CPEB3: variants seen among roughly 807,000 people sequenced by gnomAD.
The protein encoded by CPEB3 is cytoplasmic polyadenylation element binding protein 3.
A neutral mutation model predicts 67.2 loss-of-function variants in CPEB3; 20 were observed. The observed-to-expected ratio is 0.30, with a 90% CI of 0.21 to 0.43. The LOEUF is 0.43. Ranked by LOEUF, CPEB3 falls within the 20% of genes least tolerant of loss-of-function variation. CPEB3 has a pLI of 1.00. For synonymous variants in CPEB3, 376 were observed against 393.1 expected (o/e 0.96, Z 0.51); for missense variants, 746 against 968.6 (o/e 0.77, Z 3.05).
intron 2 of CPEB3, among the ~76,000 whole-genome samples, chr10:92,202,538 A>G (rs938696571): frequency 2.0e-5 from 3 of 150,624 alleles, no homozygotes; most frequent in Non-Finnish European, 4.4e-5. Flanking sequence ...AAAAATATAA[A>G]AATTTTAAAA....
At chr10:92,083,390 G>T (rs1046213361) in intron 8 of CPEB3, among the ~76,000 whole-genome samples, 2 of 152,198 alleles carry the variant, frequency 1.3e-5, no homozygotes, top group African/African-American at 4.8e-5. Flanking sequence ...CTTGGGGCAG[G>T]ATCCAGGAAT....
intron 2 of CPEB3, among the ~76,000 whole-genome samples, chr10:92,232,125 T>C (rs1397924467): frequency 1.3e-5 from 2 of 151,348 alleles, no homozygotes; most frequent in African/African-American, 4.9e-5. Flanking sequence ...TGATCTCAGC[T>C]CACTGCAACC....
intron 4 of CPEB3, among the ~76,000 whole-genome samples, chr10:92,168,553 C>T (rs900000664): frequency 1.3e-5 from 2 of 151,946 alleles, no homozygotes; most frequent in African/African-American, 2.4e-5. Context: ...AGGAGAAACC[C>T]GGTGGGAGGT....
At position 92,145,070 on chromosome 10, in the gene CPEB3, T is replaced by C. The variant is rs755314203; in HGVS notation, c.1238A>G (p.Asp413Gly). ...TGACAAGGCTTGATCACCATGGCTA[T>C]CATCCAGGAAGGCATCTTCAAAGGG... ...IMALNNAFLDDSHGDQALSSG... is the reference protein window; with the variant it reads ...IMALNNAFLDGSHGDQALSSG... The change falls in exon 5 of 10, where the codon GAT (aspartate) becomes GGT (glycine). Residue 413 changes from aspartate (D) to glycine (G), a missense_variant. This residue lies in a region of CPEB3 where 643 missense variants were observed against 717.5 expected (regional missense o/e 0.90). Transcript: ENST00000265997. The C allele has an allele frequency of 6.8e-6, 11 of 1,614,084 alleles. No homozygotes were observed. The highest frequency in any genetic ancestry group is 8.5e-6 in the Non-Finnish European group (10 of 1,179,964).
chr10:92,114,381 A>T (rs891248472), intron 6 of CPEB3, among the ~76,000 whole-genome samples: 2 of 152,248 alleles, frequency 1.3e-5, no homozygotes. Context: ...AACAAAGTAG[A>T]AAAAGATCCC....
At chr10:92,148,048 G>A (rs779386259) in intron 4 of CPEB3, among the ~76,000 whole-genome samples, 9 of 151,906 alleles carry the variant, frequency 5.9e-5, no homozygotes, top group South Asian at 2.1e-4. Flanking sequence ...CTTCTACCTC[G>A]TACCCCACAA....
At chr10:92,207,829 C>T (rs747160108) in intron 2 of CPEB3, among the ~76,000 whole-genome samples, 6 of 152,200 alleles carry the variant, frequency 3.9e-5, no homozygotes, top group Non-Finnish European at 7.4e-5. Flanking sequence ...GAGATCACAC[C>T]ACTACACTCC....
intron 7 of CPEB3, among the ~76,000 whole-genome samples, chr10:92,094,301 A>G (rs1304343321): frequency 6.6e-6 from 1 of 151,904 alleles, no homozygotes; most frequent in Admixed American, 6.6e-5. Flanking sequence ...CCTTTATTGC[A>G]TGAAAAAAAA....
chr10:92,265,339 T>G (rs187651240), intron 1 of CPEB3, among the ~76,000 whole-genome samples: 1 of 152,146 alleles, frequency 6.6e-6, no homozygotes, highest in African/African-American at 2.4e-5. Flanking sequence ...CCTCTTAGTG[T>G]TCCAGAGTTA....
At position 92,216,759 on chromosome 10, in the gene CPEB3, T is replaced by C. The variant is rs1590414633; in HGVS notation, c.1005+22587A>G. On this transcript the variant is annotated intron_variant, in intron 2 of 9. Coordinates refer to ENST00000265997, the MANE Select transcript of CPEB3 (RefSeq NM_014912.5). The stretch of plus-strand genomic sequence containing the variant: ...TACCAGGAGGCTTACGACGAGTGCC[T>C]GGAGGAGGTGCAGTCCCTGCCCCTA... The C allele has an allele frequency of 6.2e-6, 10 of 1,609,848 alleles. No homozygotes were observed. In the East Asian group the frequency reaches 2.0e-4, roughly 32 times the overall value.
intron 2 of CPEB3, among the ~76,000 whole-genome samples, chr10:92,237,723 C>T (rs75566452): frequency 0.015 from 2,211 of 152,248 alleles, 56 homozygotes; most frequent in African/African-American, 0.05. Context: ...AGGGCCTTTC[C>T]TACCAAATGC....
intron 4 of CPEB3, among the ~76,000 whole-genome samples, chr10:92,147,029 T>A (rs1846717267): frequency 1.3e-5 from 2 of 152,072 alleles, no homozygotes; most frequent in African/African-American, 4.8e-5. Flanking sequence ...CCTCTTACCT[T>A]CAACACTAGT....
chr10:92,142,138 G>A (rs1342227787), intron 6 of CPEB3, among the ~76,000 whole-genome samples: 1 of 151,528 alleles, frequency 6.6e-6, no homozygotes, highest in Non-Finnish European at 1.5e-5. Context: ...AACTGACAAT[G>A]AAACCTAACA....
intron 2 of CPEB3, among the ~76,000 whole-genome samples, chr10:92,238,709 C>G (rs1030593981): frequency 1.3e-5 from 2 of 151,988 alleles, no homozygotes; most frequent in East Asian, 1.9e-4. Flanking sequence ...CCTTCCCTTA[C>G]ACAGTAGTGA....
intron 2 of CPEB3, among the ~76,000 whole-genome samples, chr10:92,235,571 C>T (rs887238311): frequency 5.3e-5 from 8 of 152,210 alleles, no homozygotes; most frequent in East Asian, 1.9e-4. Flanking sequence ...CACTGTGCTA[C>T]GCACTTTATA....
intron 6 of CPEB3, among the ~76,000 whole-genome samples, chr10:92,141,815 G>A (rs1413391381): frequency 6.7e-6 from 1 of 149,906 alleles, no homozygotes; most frequent in Non-Finnish European, 1.5e-5. Flanking sequence ...TCAGGAGAGC[G>A]AGACCATCCT....
In CPEB3 at chr10:92,051,554, C is replaced by T. The variant is rs761642883; in HGVS notation, c.*658G>A. 10 of 152,390 alleles carry T rather than the reference C, an allele frequency of 6.6e-5. No homozygotes were observed. The highest frequency in any genetic ancestry group is 1.5e-4 in the Non-Finnish European group (10 of 68,012). The allele number at this position is 152,390 out of a possible 1,614,324, so 9.4% of individuals were successfully genotyped here. On this transcript the variant is annotated 3_prime_UTR_variant, in exon 10 of 10. Transcript: ENST00000265997. Reference sequence around the variant, plus strand: ...TATTGCAGCATAAATTTACATAATACTAAAAGATCTAACCAAAATCCTCGG... The same window carrying T: ...TATTGCAGCATAAATTTACATAATATTAAAAGATCTAACCAAAATCCTCGG...
At chr10:92,108,539 T>A (rs1241399144) in intron 7 of CPEB3, among the ~76,000 whole-genome samples, 1 of 152,132 alleles carries the variant, frequency 6.6e-6, no homozygotes, top group African/African-American at 2.4e-5. Flanking sequence ...TAGGATCCAG[T>A]TCATTAAAAT....
intron 9 of CPEB3, among the ~76,000 whole-genome samples, chr10:92,077,832 G>A (rs563500193): frequency 2.6e-5 from 4 of 151,354 alleles, no homozygotes; most frequent in Admixed American, 2.6e-4. Flanking sequence ...GGGAGTGAAG[G>A]GGAGGGGAAA....
Sources: gnomAD v4.1 joint callset for allele counts (sites outside exome capture counted in the v4.1 genomes callset) on GRCh38, gnomAD v4.1.1 for gene constraint, gnomAD v4.1.1 regional missense constraint, MANE v1.5 for transcripts, NCBI Gene and HGNC (gene_info 2026-07-23, HGNC 2026-07-21) for gene names.